Variants in TXLNB observed in about 807,000 individuals in gnomAD.
TXLNB encodes taxilin beta.
A neutral mutation model predicts 57.4 loss-of-function variants in TXLNB; 37 were observed. That is an observed-to-expected ratio of 0.64 (90% CI 0.50 to 0.85). The LOEUF (loss-of-function observed/expected upper bound fraction) is 0.85, where lower values mean the gene tolerates loss of function less well. Among genes scored for constraint, TXLNB ranks in the 40% least tolerant of loss-of-function variants. The probability of loss-of-function intolerance (pLI) is 0.00; values close to 1 mark genes in which losing one functional copy is unlikely to be tolerated. For missense variants in TXLNB, 848 were observed against 825.6 expected, an observed-to-expected ratio of 1.03 and a Z score of -0.33; for synonymous variants, 302 against 309.6, an observed-to-expected ratio of 0.98 and a Z score of 0.26.
downstream of TXLNB, among the ~76,000 whole-genome samples, chr6:139,239,851 GTCTC>G (rs150340316): frequency 5.3e-5 from 8 of 150,804 alleles, no homozygotes; most frequent in East Asian, 7.7e-4. The surrounding 1 kb of genome is among the most constrained non-coding windows in gnomAD (Gnocchi z 4.7). Flanking sequence ...TTCTCTCTCT[GTCTC>G]TCTCTGTCTG....
the TXLNB span, among the ~76,000 whole-genome samples, chr6:139,305,265 G>T: frequency 2.0e-5 from 3 of 152,150 alleles, no homozygotes; most frequent in Admixed American, 2.0e-4. Context: ...AAATTTTTGA[G>T]CATGTGGTGT....
At chr6:139,277,644 C>G (rs999356821) in intron 2 of TXLNB, among the ~76,000 whole-genome samples, 2 of 152,174 alleles carry the variant, frequency 1.3e-5, no homozygotes, top group African/African-American at 4.8e-5. Context: ...ACAGCCTTCT[C>G]TGGCCTTCCT....
chr6:139,322,883 C>T, the TXLNB span, among the ~76,000 whole-genome samples: 1 of 152,164 alleles, frequency 6.6e-6, no homozygotes, highest in Non-Finnish European at 1.5e-5. Flanking sequence ...TGGGGGCAGG[C>T]ATTTTCGCTG....
intron 8 of TXLNB, among the ~76,000 whole-genome samples, chr6:139,245,955 A>G (rs1776057246): frequency 6.6e-6 from 1 of 152,140 alleles, no homozygotes; most frequent in Non-Finnish European, 1.5e-5. Flanking sequence ...AGCCTCCCAA[A>G]ATGCTGGGAT....
At chr6:139,253,490 A>G (rs1776260987) in intron 7 of TXLNB, among the ~76,000 whole-genome samples, 2 of 151,824 alleles carry the variant, frequency 1.3e-5, no homozygotes, top group African/African-American at 4.8e-5. Flanking sequence ...TCATTATAGC[A>G]TTTTCATTTT....
chr6:139,181,849 T>C, the TXLNB span, among the ~76,000 whole-genome samples: 1 of 152,228 alleles, frequency 6.6e-6, no homozygotes, highest in Non-Finnish European at 1.5e-5. Context: ...GTGTGCAGAC[T>C]TCTAACCATT....
the TXLNB span, among the ~76,000 whole-genome samples, chr6:139,196,456 C>A: frequency 3.5e-5 from 5 of 143,716 alleles, no homozygotes; most frequent in African/African-American, 1.3e-4. Context: ...CTCACTGCAA[C>A]CTCTGCGTCC....
the TXLNB span, among the ~76,000 whole-genome samples, chr6:139,232,507 A>C: frequency 6.6e-6 from 1 of 152,190 alleles, no homozygotes; most frequent in Non-Finnish European, 1.5e-5. Context: ...AGTTCTATAA[A>C]CTTGAACTCT....
chr6:139,272,271 C>T lies in TXLNB; in HGVS notation c.517-1645G>A, dbSNP rs573645132. On this transcript the variant is annotated intron_variant, in intron 3 of 9. Coordinates refer to ENST00000358430, the MANE Select transcript of TXLNB (RefSeq NM_153235.4). ...GCAGTGAGTCATGATTGTGCCACTG[C>T]GCTCCAGCCTGGGCAACAGAGCAAG... Among the ~76,000 whole-genome samples the T allele has an allele frequency of 1.4e-4, 21 of 152,152 alleles. No homozygotes were observed. In the East Asian group the frequency reaches 3.3e-3, roughly 24 times the overall value.
chr6:139,203,911 T>C, the TXLNB span, among the ~76,000 whole-genome samples: 1 of 152,198 alleles, frequency 6.6e-6, no homozygotes, highest in African/African-American at 2.4e-5. Flanking sequence ...GGTGTTCTGG[T>C]ATATGTATGA....
the TXLNB span, among the ~76,000 whole-genome samples, chr6:139,321,458 A>T: frequency 6.6e-6 from 1 of 151,946 alleles, no homozygotes; most frequent in Non-Finnish European, 1.5e-5. Context: ...CCAGAACTAT[A>T]AGAAGTACAT....
chr6:139,235,948 G>A (rs779531082), downstream of TXLNB, among the ~76,000 whole-genome samples: 1 of 152,122 alleles, frequency 6.6e-6, no homozygotes, highest in Admixed American at 6.5e-5. Flanking sequence ...ATGCTGGTAG[G>A]CCATCAACAG....
the TXLNB span, among the ~76,000 whole-genome samples, chr6:139,221,004 A>G: frequency 6.6e-6 from 1 of 152,216 alleles, no homozygotes; most frequent in African/African-American, 2.4e-5. Flanking sequence ...TGCATCCAAG[A>G]ACTAGGAGAA....
intron 5 of TXLNB, 86 bp downstream of exon 5, chr6:139,262,493 G>GT: frequency 8.2e-7 from 1 of 1,226,114 alleles, no homozygotes; most frequent in South Asian, 1.7e-5. Flanking sequence ...AGGGCTGGCT[G>GT]TAACTGTCTT....
the TXLNB span, among the ~76,000 whole-genome samples, chr6:139,318,649 G>T: frequency 1.3e-4 from 20 of 152,038 alleles, no homozygotes; most frequent in African/African-American, 4.8e-4. Flanking sequence ...ACAAACTGAT[G>T]AAAGCTAGAT....
At chr6:139,258,558 G>A (rs1776402359) in intron 6 of TXLNB, among the ~76,000 whole-genome samples, 1 of 152,138 alleles carries the variant, frequency 6.6e-6, no homozygotes, top group African/African-American at 2.4e-5. Context: ...AGATTATGTT[G>A]CTCAAAATTT....
the TXLNB span, chr6:139,176,844 A>AAGG: frequency 1.4e-6 from 1 of 718,954 alleles, no homozygotes; most frequent in African/African-American, 1.7e-5. The surrounding 1 kb of genome is among the most constrained non-coding windows in gnomAD (Gnocchi z 4.5). Flanking sequence ...TGCTTTGCAA[A>AAGG]GCCCTTGATC....
the TXLNB span, among the ~76,000 whole-genome samples, chr6:139,186,837 A>G: frequency 6.6e-6 from 1 of 152,168 alleles, no homozygotes; most frequent in South Asian, 2.1e-4. Context: ...CAAAATAATT[A>G]AAGTGAAAGA....
the TXLNB span, among the ~76,000 whole-genome samples, chr6:139,201,268 G>C: frequency 3.3e-5 from 5 of 152,240 alleles, no homozygotes; most frequent in Admixed American, 6.5e-5. Context: ...CCTGCATCAG[G>C]CCCCAATAGA....
Sources: allele counts gnomAD v4.1 joint callset (sites outside exome capture counted in the v4.1 genomes callset), GRCh38; gene constraint gnomAD v4.1.1; non-coding constraint Gnocchi (gnomAD v3.1); transcripts MANE v1.5; gene names NCBI Gene and HGNC (gene_info 2026-07-23, HGNC 2026-07-21).